Variants in AUTS2 observed in about 807,000 individuals in gnomAD.
AUTS2 encodes autism susceptibility gene 2 protein.
Under a neutral mutation model 112.4 loss-of-function variants are expected in AUTS2, and 17 were observed. The observed-to-expected ratio is 0.15, with a 90% confidence interval of 0.10 to 0.23. AUTS2 has a LOEUF of 0.23. AUTS2 is among the 10% of genes least tolerant of loss of function. The pLI is 1.00. For missense variants in AUTS2, 1,510 were observed against 1,701.6 expected (o/e 0.89, Z 1.98); for synonymous variants, 751 against 702.7 (o/e 1.07, Z -1.09).
At chr7:70,013,937 C>T (rs1265455258) in intron 2 of AUTS2, among the ~76,000 whole-genome samples, 4 of 152,070 alleles carry the variant, frequency 2.6e-5, no homozygotes, top group Non-Finnish European at 5.9e-5. Context: ...AGGATGGTCT[C>T]GATCTCCTGA....
At position 70,117,129 on chromosome 7, in the gene AUTS2, TTTTTTTTG is replaced by T. The variant is rs1373559298; in HGVS notation, c.523-995_523-988del. 2.1e-3 allele frequency among the ~76,000 whole-genome samples: 209 copies of T among 98,848 alleles called. 2 individuals are homozygous for T. Among genetic ancestry groups the T allele is most frequent in the South Asian group, 0.01 (35 of 3,360 alleles). 64.8% of individuals were successfully genotyped at this position (98,848 alleles called of 152,430 possible). A position where few individuals can be genotyped will look rare whatever the true frequency, so the allele number is the denominator to read the frequency against. ...GTTTTTTTTTTTTGTTTTTTTTTGT[TTTTTTTTG>T]TTTTTTTTTTTGGTGTAGTACCATA... On this transcript the variant is annotated intron_variant, in intron 2 of 18. Coordinates refer to ENST00000342771, the MANE Select transcript of AUTS2 (RefSeq NM_015570.4).
intron 4 of AUTS2, among the ~76,000 whole-genome samples, chr7:70,330,266 A>G (rs543077879): frequency 6.6e-6 from 1 of 152,122 alleles, no homozygotes; most frequent in East Asian, 1.9e-4. Flanking sequence ...TAGTTTTTAT[A>G]TTTAGGCTGT....
rs191557570 is a variant in AUTS2 at position 70,670,338 on chromosome 7, T to G, written c.691-28231T>G. ...GCAGCGTCTTAGTCAAATTATAAAT[T>G]GATTCCATCCACATATTAGCCCCGA... On this transcript the variant is annotated intron_variant, in intron 5 of 18. Transcript: ENST00000342771. Among the ~76,000 whole-genome samples the G allele has an allele frequency of 2.6e-5, 4 of 152,336 alleles. No individual in the cohort carries two copies. The East Asian group carries it at 5.8e-4, about 22-fold the overall frequency.
chr7:69,849,415 CAT>C (rs1238278295), intron 1 of AUTS2, among the ~76,000 whole-genome samples: 1 of 152,138 alleles, frequency 6.6e-6, no homozygotes, highest in African/African-American at 2.4e-5. Flanking sequence ...CGTTCTTTGA[CAT>C]GTGTACATTA....
intron 4 of AUTS2, among the ~76,000 whole-genome samples, chr7:70,370,758 T>G (rs1792802584): frequency 6.6e-6 from 1 of 152,202 alleles, no homozygotes; most frequent in Non-Finnish European, 1.5e-5. Flanking sequence ...CCAGACCATT[T>G]GCTACAGTGC....
chr7:70,096,070 G>A (rs1804181050), intron 2 of AUTS2, among the ~76,000 whole-genome samples: 1 of 152,088 alleles, frequency 6.6e-6, no homozygotes, highest in African/African-American at 2.4e-5. Context: ...TCCAGCTGTG[G>A]GAAATGGGAT....
intron 1 of AUTS2, among the ~76,000 whole-genome samples, chr7:69,718,069 C>T (rs893128142): frequency 3.3e-5 from 5 of 152,158 alleles, no homozygotes; most frequent in African/African-American, 1.2e-4. Context: ...AATTATATTG[C>T]CGTTTATGTT....
At chr7:70,467,135 G>A (rs1475318553) in intron 5 of AUTS2, among the ~76,000 whole-genome samples, 1 of 152,200 alleles carries the variant, frequency 6.6e-6, no homozygotes, top group Non-Finnish European at 1.5e-5. Flanking sequence ...CAAAGTGATT[G>A]AGATAAACGT....
chr7:70,348,788 G>C (rs1791619553), intron 4 of AUTS2, among the ~76,000 whole-genome samples: 1 of 152,312 alleles, frequency 6.6e-6, no homozygotes, highest in South Asian at 2.1e-4. Flanking sequence ...TCCAGCCTGG[G>C]CGACAGAGCG....
intron 1 of AUTS2, among the ~76,000 whole-genome samples, chr7:69,709,274 T>C (rs1347281761): frequency 6.6e-6 from 1 of 152,214 alleles, no homozygotes; most frequent in Non-Finnish European, 1.5e-5. Context: ...TTCCCAGGAA[T>C]GGGGTAGCAT....
chr7:70,195,478 C>G (rs1810124473), intron 4 of AUTS2, among the ~76,000 whole-genome samples: 1 of 152,130 alleles, frequency 6.6e-6, no homozygotes, highest in Admixed American at 6.5e-5. Context: ...GAAACCCTGT[C>G]TCTACTAAAA....
At chr7:70,511,955 C>T (rs1006624968) in intron 5 of AUTS2, among the ~76,000 whole-genome samples, 23 of 152,160 alleles carry the variant, frequency 1.5e-4, no homozygotes, top group African/African-American at 5.3e-4. Flanking sequence ...AAAGGTCAGC[C>T]TACCTGAACC....
chr7:70,555,376 C>A (rs910711866), intron 5 of AUTS2, among the ~76,000 whole-genome samples: 1 of 152,216 alleles, frequency 6.6e-6, no homozygotes, highest in African/African-American at 2.4e-5. Context: ...AGGTTGCTTT[C>A]ATTGGTAGCT....
chr7:70,006,879 A>C (rs931347915), intron 2 of AUTS2, among the ~76,000 whole-genome samples: 2 of 152,076 alleles, frequency 1.3e-5, no homozygotes, highest in Non-Finnish European at 2.9e-5. Context: ...AGAAAAGAGG[A>C]AGTTGTGGGG....
intron 5 of AUTS2, among the ~76,000 whole-genome samples, chr7:70,525,821 G>A (rs576615914): frequency 2.0e-4 from 30 of 152,344 alleles, no homozygotes; most frequent in African/African-American, 7.0e-4. Context: ...GAGGGCACTC[G>A]AGTGAGGAGA....
At chr7:70,527,990 G>A (rs990465957) in intron 5 of AUTS2, among the ~76,000 whole-genome samples, 4 of 151,854 alleles carry the variant, frequency 2.6e-5, no homozygotes, top group Middle Eastern at 3.2e-3. Flanking sequence ...TAACACACCT[G>A]CTTTAGCTAT....
intron 2 of AUTS2, among the ~76,000 whole-genome samples, chr7:70,071,897 T>A (rs1317163244): frequency 1.3e-5 from 2 of 152,250 alleles, no homozygotes; most frequent in East Asian, 3.9e-4. Flanking sequence ...TGATGACCCA[T>A]GAGAGTGGAG....
chr7:69,954,072 G>C (rs755548723), intron 2 of AUTS2, among the ~76,000 whole-genome samples: 1 of 152,034 alleles, frequency 6.6e-6, no homozygotes, highest in Non-Finnish European at 1.5e-5. Context: ...GATAATTAAA[G>C]TATTTACATA....
chr7:70,063,049 CTT>C (rs1332688940), intron 2 of AUTS2, among the ~76,000 whole-genome samples: 2 of 152,168 alleles, frequency 1.3e-5, no homozygotes, highest in African/African-American at 4.8e-5. Flanking sequence ...GTATGAGAGT[CTT>C]TCTCTTCAGA....
Sources: gnomAD v4.1 joint callset for allele counts (sites outside exome capture counted in the v4.1 genomes callset) on GRCh38, gnomAD v4.1.1 for gene constraint, MANE v1.5 for transcripts, NCBI Gene and HGNC (gene_info 2026-07-23, HGNC 2026-07-21) for gene names.